Variants in KIF26B observed in about 807,000 individuals in gnomAD.
KIF26B encodes kinesin-like protein KIF26B.
KIF26B carries 63 observed loss-of-function variants against 151.2 expected under a neutral mutation model. The ratio of observed to expected loss-of-function variants is 0.42; its 90% CI spans 0.34 to 0.51. The LOEUF is 0.51. Among genes scored for constraint, KIF26B ranks in the 20% least tolerant of loss-of-function variants. The pLI is 0.07. For synonymous variants in KIF26B, 1,357 were observed against 1,262.1 expected (o/e 1.08, Z -1.59); for missense variants, 2,813 against 2,913.6 (o/e 0.97, Z 0.79).
intron 10 of KIF26B, among the ~76,000 whole-genome samples, chr1:245,680,339 C>T (rs1173595797): frequency 6.6e-6 from 1 of 152,232 alleles, no homozygotes; most frequent in Non-Finnish European, 1.5e-5. Context: ...ACCAGCAGCT[C>T]TACCGGTTTG....
Position 245,685,544 on chromosome 1 carries a change from A to C in KIF26B, c.2561A>C (p.Tyr854Ser). ...GCTCACCTGTCCAGCGACCCCGACT[A>C]CTCCTCCAGCAGCGAGCAGTCCTGC... ...PIAHLSSDPD[Y>S]SSSSEQSCDT... is the part of the protein sequence containing the mutation. The change falls in exon 12 of 15, where the codon TAC becomes TCC. Residue 854 changes from tyrosine (Y) to serine (S), a missense_variant. This residue lies in a region of KIF26B where 2,060 missense variants were observed against 2,088.6 expected (regional missense o/e 0.99). Transcript: ENST00000407071. 1 of 1,613,104 alleles carries C rather than the reference A, an allele frequency of 6.2e-7. No individual in the cohort carries two copies.
intron 3 of KIF26B, among the ~76,000 whole-genome samples, chr1:245,373,547 A>AATAAAT (rs1250390105): frequency 6.6e-6 from 1 of 152,226 alleles, no homozygotes; most frequent in African/African-American, 2.4e-5. Flanking sequence ...TCCATAGTGG[A>AATAAAT]CCGTTGATGC....
chr1:245,622,504 G>A (rs2043674399), intron 9 of KIF26B, among the ~76,000 whole-genome samples: 1 of 152,172 alleles, frequency 6.6e-6, no homozygotes, highest in Non-Finnish European at 1.5e-5. Context: ...TGGATGCCTA[G>A]ATCCCTCCCA....
At chr1:245,466,404 G>T (rs1364282560) in intron 4 of KIF26B, among the ~76,000 whole-genome samples, 2 of 152,202 alleles carry the variant, frequency 1.3e-5, no homozygotes, top group Non-Finnish European at 2.9e-5. Flanking sequence ...GCTGCAACCC[G>T]AAGTTATTTT....
chr1:245,570,477 C>T (rs1407526264), intron 5 of KIF26B, among the ~76,000 whole-genome samples: 1 of 152,198 alleles, frequency 6.6e-6, no homozygotes, highest in Non-Finnish European at 1.5e-5. Context: ...TTTTCCATTA[C>T]CTTCCACATG....
At chr1:245,174,946 G>T (rs1668777875) in intron 2 of KIF26B, among the ~76,000 whole-genome samples, 2 of 152,204 alleles carry the variant, frequency 1.3e-5, no homozygotes, top group African/African-American at 4.8e-5. Context: ...TCTGGCCACA[G>T]ATGAAGTACC....
intron 4 of KIF26B, among the ~76,000 whole-genome samples, chr1:245,531,514 T>C (rs1661358593): frequency 6.6e-6 from 1 of 152,112 alleles, no homozygotes; most frequent in Admixed American, 6.5e-5. Flanking sequence ...TAGAAAATGT[T>C]TTAAGAAAAA....
intron 3 of KIF26B, among the ~76,000 whole-genome samples, chr1:245,386,299 A>G (rs139891105): frequency 0.013 from 2,036 of 150,820 alleles, 49 homozygotes; most frequent in African/African-American, 0.047. Flanking sequence ...TGCAGCACTC[A>G]ATTATTAGCT....
intron 10 of KIF26B, among the ~76,000 whole-genome samples, chr1:245,657,685 C>T (rs1047222099): frequency 5.9e-5 from 9 of 152,108 alleles, no homozygotes; most frequent in East Asian, 1.9e-4. Context: ...CATGCTTTGC[C>T]GATGCCGATT....
intron 5 of KIF26B, among the ~76,000 whole-genome samples, chr1:245,574,983 G>T (rs1261543726): frequency 2.0e-5 from 3 of 149,076 alleles, no homozygotes; most frequent in Admixed American, 1.3e-4. Context: ...TCCTGCCTCA[G>T]CCTCCCGAGT....
intron 4 of KIF26B, among the ~76,000 whole-genome samples, chr1:245,478,275 G>T (rs189790219): frequency 6.6e-6 from 1 of 151,866 alleles, no homozygotes; most frequent in East Asian, 1.9e-4. Context: ...TTTGGCTGTT[G>T]TGAGTGATGC....
At position 245,170,414 on chromosome 1, in the gene KIF26B, T is replaced by C. The variant is rs928521018; in HGVS notation, c.465+13731T>C. Reference sequence around the variant, plus strand: ...AATAAAGACATGTGGGAATGCTCACTGGATGCTTACAATTGGTTCCAGGTG... The same window carrying C: ...AATAAAGACATGTGGGAATGCTCACCGGATGCTTACAATTGGTTCCAGGTG... On this transcript the variant is annotated intron_variant, in intron 2 of 14. Transcript: ENST00000407071. The surrounding 1 kb of genome is among the most constrained non-coding windows in gnomAD (Gnocchi z 4.4). Among the ~76,000 whole-genome samples, 7 of 152,190 alleles carry C rather than the reference T, an allele frequency of 4.6e-5. No individual in the cohort carries two copies. Among genetic ancestry groups the C allele is most frequent in the Non-Finnish European group, 7.3e-5 (5 of 68,034 alleles).
At chr1:245,534,103 G>A (rs775843086) in intron 4 of KIF26B, among the ~76,000 whole-genome samples, 1 of 152,150 alleles carries the variant, frequency 6.6e-6, no homozygotes, top group Admixed American at 6.5e-5. Context: ...GGACATTCTA[G>A]CCAAGGACAG....
At chr1:245,219,774 C>T (rs1255389462) in intron 2 of KIF26B, among the ~76,000 whole-genome samples, 5 of 152,120 alleles carry the variant, frequency 3.3e-5, no homozygotes, top group Non-Finnish European at 5.9e-5. Flanking sequence ...GAAACCAGAA[C>T]ACCAGGTGTG....
intron 9 of KIF26B, among the ~76,000 whole-genome samples, chr1:245,626,279 C>T (rs1049340441): frequency 2.6e-5 from 4 of 151,822 alleles, no homozygotes; most frequent in African/African-American, 4.8e-5. Flanking sequence ...TGGTAGTTCT[C>T]GTTTTAGTTT....
intron 2 of KIF26B, among the ~76,000 whole-genome samples, chr1:245,198,073 C>T (rs912999505): frequency 2.6e-5 from 4 of 152,246 alleles, no homozygotes; most frequent in Non-Finnish European, 5.9e-5. Context: ...CTACCACCCA[C>T]ACATCCTTCC....
rs551172674 is a variant in KIF26B at position 245,707,512 on chromosome 1, C to T, written c.*4906C>T. The T allele has an allele frequency of 1.3e-5, 2 of 152,338 alleles. No individual in the cohort carries two copies. The highest frequency in any genetic ancestry group is 4.1e-4 in the South Asian group (2 of 4,820). The allele number at this position is 152,338 out of a possible 1,614,324, so 9.4% of individuals were successfully genotyped here. A position where few individuals can be genotyped will look rare whatever the true frequency, so the allele number is the denominator to read the frequency against. ...AGCATTGCTCGTGTTCTCTCATTTA[C>T]TTATTATGCATCACGGTTGGAAATG... is the stretch of plus-strand genomic sequence containing the variant. On this transcript the variant is annotated 3_prime_UTR_variant, in exon 15 of 15. Coordinates refer to ENST00000407071, the MANE Select transcript of KIF26B (RefSeq NM_018012.4).
intron 2 of KIF26B, among the ~76,000 whole-genome samples, chr1:245,169,766 G>A (rs1668679581): frequency 6.6e-6 from 1 of 152,014 alleles, no homozygotes; most frequent in Non-Finnish European, 1.5e-5. Flanking sequence ...TTTTTATAGA[G>A]GGCTCATAAT....
chr1:245,268,562 G>T (rs1238541796), intron 2 of KIF26B, among the ~76,000 whole-genome samples: 1 of 150,676 alleles, frequency 6.6e-6, no homozygotes, highest in Non-Finnish European at 1.5e-5. Flanking sequence ...TGTGAGGGAA[G>T]TTAGCAGCAT....
Sources: gnomAD v4.1 joint callset for allele counts (sites outside exome capture counted in the v4.1 genomes callset) on GRCh38, gnomAD v4.1.1 for gene constraint, gnomAD v4.1.1 regional missense constraint, Gnocchi (gnomAD v3.1) non-coding constraint, MANE v1.5 for transcripts, NCBI Gene and HGNC (gene_info 2026-07-23, HGNC 2026-07-21) for gene names.